ABR: variants seen among roughly 807,000 people sequenced by gnomAD.
ABR encodes the protein ABR activator of RhoGEF and GTPase.
ABR carries 35 observed loss-of-function variants against 107.2 expected under a neutral mutation model. The ratio of observed to expected loss-of-function variants is 0.33; its 90% CI spans 0.25 to 0.43. The LOEUF (loss-of-function observed/expected upper bound fraction) is 0.43. Ranked by LOEUF, ABR falls within the 20% of genes least tolerant of loss-of-function variation. ABR has a pLI of 1.00. For missense variants in ABR, 815 were observed against 1,115.2 expected (o/e 0.73, Z 3.83); for synonymous variants, 498 against 462.0 (o/e 1.08, Z -1.00).
chr17:1,147,349 T>TG (rs1168959864), intron 1 of ABR, among the ~76,000 whole-genome samples: 2 of 141,846 alleles, frequency 1.4e-5, no homozygotes, highest in East Asian at 4.3e-4. Context: ...CAGTAATTTG[T>TG]GGGGGGTTTT....
intron 16 of ABR, among the ~76,000 whole-genome samples, chr17:1,032,164 C>T (rs966604859): frequency 1.3e-5 from 2 of 152,068 alleles, no homozygotes; most frequent in Admixed American, 6.6e-5. Context: ...GCGGAGGGGC[C>T]GGGGGCCAGG....
At chr17:1,207,872 C>T (rs187662673) in intron 1 of ABR, among the ~76,000 whole-genome samples, 183 of 151,794 alleles carry the variant, frequency 1.2e-3, no homozygotes, top group African/African-American at 4.0e-3. Flanking sequence ...CGGGTTCAAG[C>T]GATTCTCCTG....
At chr17:1,022,282 C>T (rs1296100660) in intron 16 of ABR, among the ~76,000 whole-genome samples, 1 of 152,134 alleles carries the variant, frequency 6.6e-6, no homozygotes, top group Non-Finnish European at 1.5e-5. Context: ...GGCACGTTTC[C>T]TGGGGCTCCC....
intron 6 of ABR, among the ~76,000 whole-genome samples, chr17:1,077,159 G>A (rs544189425): frequency 2.6e-4 from 40 of 152,294 alleles, no homozygotes; most frequent in Non-Finnish European, 1.3e-4. Context: ...CTTGCTTTGA[G>A]CTGCACCTTC....
chr17:1,153,016 G>A (rs921503896), intron 1 of ABR, among the ~76,000 whole-genome samples: 1 of 152,264 alleles, frequency 6.6e-6, no homozygotes, highest in South Asian at 2.1e-4. Flanking sequence ...CTGAACCAAT[G>A]AGCCGAGATT....
chr17:1,166,095 T>C (rs12937155), intron 1 of ABR, among the ~76,000 whole-genome samples: 147,079 of 151,160 alleles, frequency 0.97, 71,658 homozygotes, highest in Middle Eastern at 1. Flanking sequence ...CTCCCCAGCG[T>C]GGTCCCACCT....
chr17:1,202,238 G>A lies in ABR; in HGVS notation c.838+26555C>T, dbSNP rs944489865. On this transcript the variant is annotated intron_variant, in intron 1 of 22. Transcript: ENST00000574139. ...AGATGGGGTTTCCCCATGTTGGCTAGGCTGGTCTCCAACTCCCGACCTCAG... is the reference window on the plus strand; with the variant it reads ...AGATGGGGTTTCCCCATGTTGGCTAAGCTGGTCTCCAACTCCCGACCTCAG... Among the ~76,000 whole-genome samples the A allele has an allele frequency of 2.0e-5, 3 of 151,974 alleles. No individual in the cohort carries two copies. In the East Asian group the frequency reaches 5.9e-4, roughly 30 times the overall value.
rs998286945 is a variant in ABR at position 1,035,287 on chromosome 17, C to T, written c.1791+14763G>A. Among the ~76,000 whole-genome samples, 3 of 151,266 alleles carry T rather than the reference C, an allele frequency of 2.0e-5. No individual in the cohort carries two copies. In the East Asian group the frequency reaches 5.8e-4, roughly 29 times the overall value. On this transcript the variant is annotated intron_variant, in intron 16 of 22. Coordinates refer to ENST00000302538, the MANE Select transcript of ABR (RefSeq NM_021962.5). The stretch of plus-strand genomic sequence containing the variant: ...GTTCAGCTCAGGCTATCCCAACCAC[C>T]TGGGAAGGGGCCACTCTCCTTCCTC...
chr17:1,139,283 G>A (rs1404395175), intron 1 of ABR, among the ~76,000 whole-genome samples: 2 of 151,988 alleles, frequency 1.3e-5, no homozygotes, highest in African/African-American at 2.4e-5. Context: ...ATGGAGTCTC[G>A]CTCTGTCGCC....
chr17:1,219,125 C>G (rs1468491544), intron 1 of ABR, among the ~76,000 whole-genome samples: 1 of 152,130 alleles, frequency 6.6e-6, no homozygotes, highest in Admixed American at 6.6e-5. Context: ...TCACTGCAAC[C>G]TCTGCCTCCT....
At chr17:1,137,773 A>G (rs1388759762) in intron 1 of ABR, among the ~76,000 whole-genome samples, 1 of 152,226 alleles carries the variant, frequency 6.6e-6, no homozygotes, top group Non-Finnish European at 1.5e-5. Flanking sequence ...GTACGCCTGC[A>G]CATGAGTGCC....
intron 2 of ABR, among the ~76,000 whole-genome samples, chr17:1,105,627 A>G (rs1195084332): frequency 2.6e-5 from 4 of 152,192 alleles, no homozygotes. Flanking sequence ...TAATCCCAGC[A>G]CTTTGGGAGG....
intron 3 of ABR, among the ~76,000 whole-genome samples, chr17:1,098,446 G>C (rs1212698297): frequency 3.9e-5 from 6 of 152,250 alleles, no homozygotes; most frequent in African/African-American, 1.4e-4. Flanking sequence ...TATATATACA[G>C]GCACACAGAC....
intron 9 of ABR, 119 bp from the exon 10 acceptor site, chr17:1,067,361 A>C (rs2262155): frequency 0.9 from 890,103 of 990,260 alleles, 400,942 homozygotes; most frequent in East Asian, 0.97. Context: ...GCCAGAAGCA[A>C]GAACGATCCC....
intron 16 of ABR, among the ~76,000 whole-genome samples, chr17:1,018,218 A>AT (rs1039800695): frequency 6.6e-5 from 10 of 151,182 alleles, no homozygotes; most frequent in East Asian, 4.0e-4. Flanking sequence ...AATTTTTTGT[A>AT]TTTTTAGTAG....
rs573956086 is a variant in ABR at position 1,116,440 on chromosome 17, G to A, written c.246+8743C>T. On this transcript the variant is annotated intron_variant, in intron 2 of 22. Coordinates refer to ENST00000302538, the MANE Select transcript of ABR (RefSeq NM_021962.5). ...TCATCTATAGAATGGGGGTAATTAC[G>A]GCATCAACTCTAGGGCTGCTAGCTA... Among the ~76,000 whole-genome samples, 11 of 152,156 alleles carry A rather than the reference G, an allele frequency of 7.2e-5. No homozygotes were observed. In the South Asian group the frequency reaches 1.2e-3, roughly 17 times the overall value.
intron 4 of ABR, among the ~76,000 whole-genome samples, chr17:1,087,112 G>C (rs947328572): frequency 1.3e-5 from 2 of 152,162 alleles, no homozygotes; most frequent in Admixed American, 6.6e-5. Flanking sequence ...AGAAGGTTCT[G>C]CTGTTATTCT....
At chr17:1,061,871 G>A (rs527842133) in intron 10 of ABR, among the ~76,000 whole-genome samples, 4 of 152,264 alleles carry the variant, frequency 2.6e-5, no homozygotes, top group South Asian at 2.1e-4. Flanking sequence ...TCTACGTGTC[G>A]AATATGAGGA....
In ABR at chr17:1,179,558, TGGGTCCCGATCCCGATCTTG is replaced by T. The variant is rs1454269093; in HGVS notation, c.61+89_61+108del. On this transcript the variant is annotated intron_variant, in intron 1 of 22. Transcript: ENST00000302538. The surrounding 1 kb of genome is among the most constrained non-coding windows in gnomAD (Gnocchi z 4.9). Reference sequence around the variant, plus strand: ...GCGCTCCCCGGACCAGCCCGGTGCCTGGGTCCCGATCCCGATCTTGGGGTCCCGATCCCGATCCTGGGGTC... The same window carrying T: ...GCGCTCCCCGGACCAGCCCGGTGCCTGGGTCCCGATCCCGATCCTGGGGTC... The T allele has an allele frequency of 9.1e-6, 11 of 1,202,710 alleles. No homozygotes were observed. The highest frequency in any genetic ancestry group is 3.2e-5 in the African/African-American group (2 of 62,144). The allele number at this position is 1,202,710 out of a possible 1,614,324, so 74.5% of individuals were successfully genotyped here.
Sources: allele counts gnomAD v4.1 joint callset (sites outside exome capture counted in the v4.1 genomes callset), GRCh38; gene constraint gnomAD v4.1.1; non-coding constraint Gnocchi (gnomAD v3.1); transcripts MANE v1.5; gene names NCBI Gene and HGNC (gene_info 2026-07-23, HGNC 2026-07-21).